CDH22: variants seen among roughly 807,000 people sequenced by gnomAD.
CDH22 encodes the protein cadherin-22.
A neutral mutation model predicts 58.4 loss-of-function variants in CDH22; 30 were observed. That is an observed-to-expected ratio of 0.51 (90% CI 0.38 to 0.70). CDH22 has a LOEUF of 0.70. Among genes scored for constraint, CDH22 ranks in the 30% least tolerant of loss-of-function variants. The pLI is 0.00. For missense variants in CDH22, 1,014 were observed against 1,233.9 expected, an observed-to-expected ratio of 0.82 and a Z score of 2.67; for synonymous variants, 513 against 558.2, an observed-to-expected ratio of 0.92 and a Z score of 1.14.
At chr20:46,218,862 C>G (rs1035675602) in intron 4 of CDH22, among the ~76,000 whole-genome samples, 2 of 152,134 alleles carry the variant, frequency 1.3e-5, no homozygotes, top group Non-Finnish European at 2.9e-5. Flanking sequence ...CATTCAGAGC[C>G]TCTCCCACCA....
chr20:46,275,790 G>A (rs2086514362), intron 1 of CDH22, among the ~76,000 whole-genome samples: 1 of 131,868 alleles, frequency 7.6e-6, no homozygotes, highest in South Asian at 2.4e-4. Context: ...GAGACCATAG[G>A]TGAAAAAAAA....
At chr20:46,239,255 A>G (rs1261577599) in intron 3 of CDH22, among the ~76,000 whole-genome samples, 8 of 152,204 alleles carry the variant, frequency 5.3e-5, no homozygotes, top group Admixed American at 2.0e-4. Flanking sequence ...GAATGAATAT[A>G]CTCATATAGA....
At position 46,216,732 on chromosome 20, in the gene CDH22, G is replaced by T; in HGVS notation, c.838+94C>A. 8.5e-7 allele frequency: 1 copy of T among 1,175,258 alleles called. No homozygotes were observed. Among genetic ancestry groups the T allele is most frequent in the Non-Finnish European group, 1.2e-6 (1 of 815,858 alleles). The allele number at this position is 1,175,258 out of a possible 1,614,324, so 72.8% of individuals were successfully genotyped here. A position where few individuals can be genotyped will look rare whatever the true frequency, so the allele number is the denominator to read the frequency against. On this transcript the variant is annotated intron_variant, in intron 5 of 11. Transcript: ENST00000537909. The surrounding 1 kb of genome is among the most constrained non-coding windows in gnomAD (Gnocchi z 5.3). ...AGAGGGGGAAGCCCTTCTTTTGGTGGGAAGTCTAAAGGGAAGCTGGGGTCA... is the reference window on the plus strand; with the variant it reads ...AGAGGGGGAAGCCCTTCTTTTGGTGTGAAGTCTAAAGGGAAGCTGGGGTCA...
intron 2 of CDH22, among the ~76,000 whole-genome samples, chr20:46,247,776 T>A (rs2425800): frequency 0.38 from 57,623 of 152,076 alleles, 11,262 homozygotes; most frequent in Middle Eastern, 0.6. Context: ...GCCACCTCTC[T>A]TAAGAAAGTG....
At chr20:46,227,652 CA>C in intron 3 of CDH22, 25 bp from the exon 4 acceptor site, 1 of 1,598,544 alleles carries the variant, frequency 6.3e-7, no homozygotes. Flanking sequence ...CCAAGCGAGA[CA>C]GGGGTCATCT....
Position 46,251,051 on chromosome 20 carries a change from A to C in CDH22, c.244T>G (p.Tyr82Asp). The change falls in exon 2 of 12, where the codon TAT (tyrosine) becomes GAT (aspartate). Residue 82 changes from tyrosine (Y) to aspartate (D), a missense_variant. This residue lies in a region of CDH22 where 806 missense variants were observed against 1,038.7 expected (regional missense o/e 0.78). Transcript: ENST00000537909. The surrounding 1 kb of genome is among the most constrained non-coding windows in gnomAD (Gnocchi z 6.7). ...GGGCCCCACTTTACCTTGCCCACAT[A>C]CAGGGGCTCCGTGCCCGTGTACTCC... ...VEEYTGTEPL[Y>D]VGKIHSDSDE... 6.2e-7 allele frequency: 1 copy of C among 1,609,930 alleles called. No homozygotes were observed. Among genetic ancestry groups the C allele is most frequent in the Non-Finnish European group, 8.5e-7 (1 of 1,177,170 alleles).
At chr20:46,175,679 G>A (rs1429010031) in intron 11 of CDH22, among the ~76,000 whole-genome samples, 9 of 152,174 alleles carry the variant, frequency 5.9e-5, no homozygotes. Context: ...GGTTCTCAAA[G>A]TGCGGCCCCT....
At chr20:46,205,012 G>A (rs2085990654) in intron 7 of CDH22, among the ~76,000 whole-genome samples, 1 of 152,154 alleles carries the variant, frequency 6.6e-6, no homozygotes, top group Non-Finnish European at 1.5e-5. Context: ...CTGCTCGTGT[G>A]TGTGTGTCGG....
chr20:46,280,942 T>C (rs1394536462), intron 1 of CDH22, among the ~76,000 whole-genome samples: 3 of 152,226 alleles, frequency 2.0e-5, no homozygotes, highest in African/African-American at 7.2e-5. Flanking sequence ...AAGTAGGTTC[T>C]CAGGAAAGTC....
At chr20:46,179,683 C>T (rs1165109814) in intron 10 of CDH22, among the ~76,000 whole-genome samples, 1 of 152,198 alleles carries the variant, frequency 6.6e-6, no homozygotes, top group Non-Finnish European at 1.5e-5. Context: ...ACCCACTGAG[C>T]TTCTCTAAGC....
In CDH22 at chr20:46,176,205, T is replaced by C. The variant is rs1453490676; in HGVS notation, c.1916-1128A>G. 2.0e-5 allele frequency among the ~76,000 whole-genome samples: 3 copies of C among 152,170 alleles called. No homozygotes were observed. In the East Asian group the frequency reaches 5.8e-4, roughly 29 times the overall value. On this transcript the variant is annotated intron_variant, in intron 11 of 11. Transcript: ENST00000537909. ...TGCTCCCTCTCTTGGAGCTCTCCTT[T>C]GGTCTCAACAGCTTTAAAAGTTCCA... is the stretch of plus-strand genomic sequence containing the variant.
At chr20:46,198,923 C>T (rs1402978236) in intron 8 of CDH22, among the ~76,000 whole-genome samples, 1 of 152,222 alleles carries the variant, frequency 6.6e-6, no homozygotes. Flanking sequence ...ACCTCCTCCT[C>T]CCAGTTCCCT....
rs1670564459 is a variant in CDH22, at chr20:46,216,738, C to T, written c.838+88G>A. 31 of 1,288,032 alleles carry T rather than the reference C, an allele frequency of 2.4e-5. 1 individual carries two copies. In the South Asian group the frequency reaches 4.1e-4, roughly 17 times the overall value. 79.8% of individuals were successfully genotyped at this position (1,288,032 alleles called of 1,614,324 possible). A position where few individuals can be genotyped will look rare whatever the true frequency, so the allele number is the denominator to read the frequency against. On this transcript the variant is annotated intron_variant, in intron 5 of 11. Coordinates refer to ENST00000537909, the MANE Select transcript of CDH22 (RefSeq NM_021248.3). This position sits in a 1 kb window ranked among gnomAD's most constrained non-coding sequence, Gnocchi z 5.3. ...GGAAGCCCTTCTTTTGGTGGGAAGT[C>T]TAAAGGGAAGCTGGGGTCAGCAGGT...
Position 46,187,016 on chromosome 20 carries a change from A to G in CDH22, c.1424-69T>C, listed in dbSNP as rs2085831486. The G allele has an allele frequency of 3.4e-6, 5 of 1,477,802 alleles. No individual in the cohort carries two copies. The Admixed American group carries it at 8.8e-5, about 26-fold the overall frequency. 91.5% of individuals were successfully genotyped at this position (1,477,802 alleles called of 1,614,324 possible). A position where few individuals can be genotyped will look rare whatever the true frequency, so the allele number is the denominator to read the frequency against. On this transcript the variant is annotated intron_variant, in intron 8 of 11. Transcript: ENST00000537909. ...AGATCTAGATAGCCTCCTCTCTACT[A>G]TGAGGACAATAGTAGGCAGTGGGGT...
At chr20:46,181,020 C>G (rs951024340) in intron 10 of CDH22, among the ~76,000 whole-genome samples, 1 of 151,352 alleles carries the variant, frequency 6.6e-6, no homozygotes, top group Non-Finnish European at 1.5e-5. Context: ...TGGGGCTCCT[C>G]CTGCCTCAGC....
intron 1 of CDH22, among the ~76,000 whole-genome samples, chr20:46,261,335 C>T (rs572427090): frequency 5.3e-5 from 8 of 152,108 alleles, no homozygotes; most frequent in Non-Finnish European, 1.0e-4. Context: ...CCTGGCCAGG[C>T]GAGGAGAGTT....
At chr20:46,286,672 T>C (rs1371195587) in intron 1 of CDH22, among the ~76,000 whole-genome samples, 6 of 152,102 alleles carry the variant, frequency 3.9e-5, no homozygotes, top group Non-Finnish European at 8.8e-5. Context: ...ACATGCAGAA[T>C]GCTAATAGGG....
At chr20:46,206,440 C>G (rs1026374956) in intron 7 of CDH22, among the ~76,000 whole-genome samples, 1 of 152,222 alleles carries the variant, frequency 6.6e-6, no homozygotes, top group Admixed American at 6.5e-5. Context: ...GTCTGCTTTC[C>G]TATAATTTCC....
At chr20:46,281,346 C>T (rs1459150377) in intron 1 of CDH22, among the ~76,000 whole-genome samples, 3 of 152,004 alleles carry the variant, frequency 2.0e-5, no homozygotes, top group Non-Finnish European at 2.9e-5. Context: ...CTGGAGGAGG[C>T]CAGGGAAGAG....
Sources: allele counts gnomAD v4.1 joint callset (sites outside exome capture counted in the v4.1 genomes callset), GRCh38; gene constraint gnomAD v4.1.1; regional missense constraint gnomAD v4.1.1; non-coding constraint Gnocchi (gnomAD v3.1); transcripts MANE v1.5; gene names NCBI Gene and HGNC (gene_info 2026-07-23, HGNC 2026-07-21).